KCNJ4: variants seen among roughly 807,000 people sequenced by gnomAD.
KCNJ4 encodes potassium inwardly rectifying channel subfamily J member 4.
In KCNJ4, 3 loss-of-function variants were observed where a neutral mutation model predicts 25.6. The observed-to-expected ratio is 0.12, with a 90% CI of 0.05 to 0.30. The LOEUF is 0.30. KCNJ4 is among the 10% of genes least tolerant of loss of function. The pLI, the probability that KCNJ4 is intolerant of heterozygous loss-of-function variation, is 1.00. For synonymous variants in KCNJ4, 257 were observed against 283.9 expected (o/e 0.91, Z 0.95); for missense variants, 286 against 666.8 (o/e 0.43, Z 6.29).
chr22:38,439,947 C>T (rs767104477), intron 1 of KCNJ4, among the ~76,000 whole-genome samples: 4 of 150,800 alleles, frequency 2.7e-5, no homozygotes, highest in Non-Finnish European at 4.4e-5. Flanking sequence ...AAAAATTAGC[C>T]GGGCATGGTG....
At chr22:38,438,239 C>CAA (rs57825965) in intron 1 of KCNJ4, among the ~76,000 whole-genome samples, 386 of 22,660 alleles carry the variant, frequency 0.017, 52 homozygotes, top group African/African-American at 0.055. Flanking sequence ...TACTCTGTCT[C>CAA]AAAAAAAAAA....
chr22:38,442,970 T>C (rs886411347), intron 1 of KCNJ4, among the ~76,000 whole-genome samples: 3 of 152,134 alleles, frequency 2.0e-5, no homozygotes, highest in Non-Finnish European at 4.4e-5. Context: ...CTTAAACTCC[T>C]GGGCTCAAGT....
chr22:38,430,360 C>T (rs749304934), intron 1 of KCNJ4, among the ~76,000 whole-genome samples: 4 of 152,140 alleles, frequency 2.6e-5, no homozygotes, highest in Non-Finnish European at 4.4e-5. Flanking sequence ...AAAATTAGGC[C>T]GGGCATGGTG....
In KCNJ4 at chr22:38,433,684, A is replaced by T. The variant is rs2093057026; in HGVS notation, c.-39-5513T>A. ...GTCTTTAGTCCAGACTTCATTAGCCAGCTGGGGAAACCGAGGCCAAGAACA... is the reference window on the plus strand; with the variant it reads ...GTCTTTAGTCCAGACTTCATTAGCCTGCTGGGGAAACCGAGGCCAAGAACA... On this transcript the variant is annotated intron_variant, in intron 1 of 1. Coordinates refer to ENST00000303592, the MANE Select transcript of KCNJ4 (RefSeq NM_152868.3). Among the ~76,000 whole-genome samples the T allele has an allele frequency of 1.3e-5, 2 of 152,268 alleles. 1 individual carries two copies. The highest frequency in any genetic ancestry group is 1.3e-4 in the Admixed American group (2 of 15,294).
chr22:38,443,636 G>A lies in KCNJ4; in HGVS notation c.-40+11344C>T, dbSNP rs1460964234. Among the ~76,000 whole-genome samples, 1 of 152,226 alleles carries A rather than the reference G, an allele frequency of 6.6e-6. No individual in the cohort carries two copies. Among genetic ancestry groups the A allele is most frequent in the Non-Finnish European group, 1.5e-5 (1 of 68,044 alleles). The stretch of plus-strand genomic sequence containing the variant: ...GCCATGCACTGACTGGTCCACACCT[G>A]CAAGGCAGGTGCTGTCATCATCATC... On this transcript the variant is annotated intron_variant, in intron 1 of 1. Coordinates refer to ENST00000303592, the MANE Select transcript of KCNJ4 (RefSeq NM_152868.3). This position sits in a 1 kb window ranked among gnomAD's most constrained non-coding sequence, Gnocchi z 4.1.
chr22:38,441,208 C>A (rs1463669958), intron 1 of KCNJ4, among the ~76,000 whole-genome samples: 2 of 152,110 alleles, frequency 1.3e-5, no homozygotes, highest in Non-Finnish European at 2.9e-5. Flanking sequence ...CAGCCTGGAG[C>A]ACCTGAGGAC....
intron 1 of KCNJ4, among the ~76,000 whole-genome samples, chr22:38,454,663 A>C (rs2089429031): frequency 6.6e-6 from 1 of 152,028 alleles, no homozygotes; most frequent in Admixed American, 6.5e-5. Flanking sequence ...CGGCATGACA[A>C]CTGGGGTGGG....
At chr22:38,434,336 CCT>C (rs1385811176) in intron 1 of KCNJ4, among the ~76,000 whole-genome samples, 2 of 152,322 alleles carry the variant, frequency 1.3e-5, no homozygotes, top group South Asian at 2.1e-4. Flanking sequence ...CTCTCCAGCC[CCT>C]CTCAGGGAAT....
At chr22:38,452,858 G>A (rs889744904) in intron 1 of KCNJ4, among the ~76,000 whole-genome samples, 11 of 134,766 alleles carry the variant, frequency 8.2e-5, no homozygotes, top group Non-Finnish European at 1.4e-4. Flanking sequence ...CCTTGAGCCC[G>A]GCACTGCCAG....
rs1179084681 is a variant in KCNJ4 at position 38,443,225 on chromosome 22, C to T, written c.-40+11755G>A. On this transcript the variant is annotated intron_variant, in intron 1 of 1. Transcript: ENST00000303592. This position sits in a 1 kb window ranked among gnomAD's most constrained non-coding sequence, Gnocchi z 4.1. ...CCCTCTCCAGGTCGCCCCTTGCTCT[C>T]CTGCCTCTGGCCTCTCCATGACCCA... Among the ~76,000 whole-genome samples, 1 of 152,144 alleles carries T rather than the reference C, an allele frequency of 6.6e-6. No individual in the cohort carries two copies. Among genetic ancestry groups the T allele is most frequent in the Non-Finnish European group, 1.5e-5 (1 of 68,018 alleles).
At chr22:38,448,458 G>A (rs1007689344) in intron 1 of KCNJ4, among the ~76,000 whole-genome samples, 10 of 152,092 alleles carry the variant, frequency 6.6e-5, no homozygotes, top group African/African-American at 2.2e-4. Flanking sequence ...GCTGAGCTGG[G>A]ATTCGATCCC....
rs937603781 is a variant in KCNJ4, at chr22:38,449,994, G to C, written c.-40+4986C>G. Among the ~76,000 whole-genome samples, 1 of 152,250 alleles carries C rather than the reference G, an allele frequency of 6.6e-6. No individual in the cohort carries two copies. The highest frequency in any genetic ancestry group is 1.5e-5 in the Non-Finnish European group (1 of 68,050). On this transcript the variant is annotated intron_variant, in intron 1 of 1. Transcript: ENST00000303592. This position sits in a 1 kb window ranked among gnomAD's most constrained non-coding sequence, Gnocchi z 5.2. ...CAGGAGCGCGCGTGTGTGACTCAAG[G>C]TCTATTCATAGCCGAGCTCCACCAG...
At chr22:38,446,388 C>T (rs2145946294) in intron 1 of KCNJ4, among the ~76,000 whole-genome samples, 1 of 152,328 alleles carries the variant, frequency 6.6e-6, no homozygotes. Flanking sequence ...TTTCCAAGGT[C>T]AGGTGGGCTC....
At chr22:38,437,976 C>T (rs564363051) in intron 1 of KCNJ4, among the ~76,000 whole-genome samples, 4 of 151,828 alleles carry the variant, frequency 2.6e-5, no homozygotes, top group Non-Finnish European at 5.9e-5. Flanking sequence ...TGGTGGCTCA[C>T]GCCTGTATTC....
At chr22:38,454,789 AGAGCCCGCCCGTG>A (rs751970706) in intron 1 of KCNJ4, among the ~76,000 whole-genome samples, 178 bp downstream of exon 1, 188 of 152,126 alleles carry the variant, frequency 1.2e-3, no homozygotes, top group Non-Finnish European at 2.4e-3. Context: ...ACAGACGGAC[AGAGCCCGCCCGTG>A]GAGCCCGCCC....
At chr22:38,432,384 T>G (rs538831167) in intron 1 of KCNJ4, among the ~76,000 whole-genome samples, 1 of 152,224 alleles carries the variant, frequency 6.6e-6, no homozygotes, top group Non-Finnish European at 1.5e-5. Context: ...ATGCAGGGCC[T>G]AATTTGCTTG....
chr22:38,446,978 AGGC>A (rs1362273258), intron 1 of KCNJ4, among the ~76,000 whole-genome samples: 133 of 149,580 alleles, frequency 8.9e-4, no homozygotes, highest in African/African-American at 3.0e-3. Flanking sequence ...AAAGAAACAG[AGGC>A]AAACGCCCAC....
In KCNJ4 at chr22:38,427,892, C is replaced by T. The variant is rs1434328110; in HGVS notation, c.241G>A (p.Ala81Thr). Residue 81 changes from alanine to threonine, a missense_variant, in exon 2 of 2, where the codon GCC becomes ACC. Coordinates refer to ENST00000303592, the MANE Select transcript of KCNJ4 (RefSeq NM_152868.3). Reference protein sequence around the residue: ...LFFGLLFWCIAFFHGDLEASP... With the variant: ...LFFGLLFWCITFFHGDLEASP... ...GCCTCCAGGTCACCGTGGAAGAAGGCGATACACCAGAAGAGGAGGCCGAAA... is the reference window on the plus strand; with the variant it reads ...GCCTCCAGGTCACCGTGGAAGAAGGTGATACACCAGAAGAGGAGGCCGAAA... 1 of 1,612,178 alleles carries T rather than the reference C, an allele frequency of 6.2e-7. No homozygotes were observed. The highest frequency in any genetic ancestry group is 8.5e-7 in the Non-Finnish European group (1 of 1,178,850).
chr22:38,454,346 G>A (rs751778762), intron 1 of KCNJ4, among the ~76,000 whole-genome samples: 8 of 152,146 alleles, frequency 5.3e-5, no homozygotes, highest in Admixed American at 2.6e-4. Context: ...GCAGGTTGCA[G>A]GGGAAGTTCT....
Sources: gnomAD v4.1 joint callset for allele counts (sites outside exome capture counted in the v4.1 genomes callset) on GRCh38, gnomAD v4.1.1 for gene constraint, Gnocchi (gnomAD v3.1) non-coding constraint, MANE v1.5 for transcripts, NCBI Gene and HGNC (gene_info 2026-07-23, HGNC 2026-07-21) for gene names.